The following ICA1 variants were observed in gnomAD, a reference collection of about 807,000 sequenced individuals.
ICA1 encodes the protein islet cell autoantigen 1, also known as 69 kDa islet cell autoantigen.
A neutral mutation model predicts 71.0 loss-of-function variants in ICA1; 40 were observed. The observed-to-expected ratio is 0.56, with a 90% CI of 0.44 to 0.73. ICA1 has a LOEUF of 0.73. ICA1 is among the 30% of genes least tolerant of loss of function. ICA1 has a pLI of 0.00. For synonymous variants in ICA1, 207 were observed against 209.5 expected, an observed-to-expected ratio of 0.99 and a Z score of 0.10; for missense variants, 578 against 576.5, an observed-to-expected ratio of 1.00 and a Z score of -0.03.
chr7:8,232,015 T>C lies in ICA1; in HGVS notation c.183+575A>G, dbSNP rs181691276. On this transcript the variant is annotated intron_variant, in intron 3 of 13. Coordinates refer to ENST00000402384, the MANE Select transcript of ICA1 (RefSeq NM_001136020.3). ...ATTTATAGAAATGATAGGTATGCTT[T>C]CAAAATTTTAATCTAAACTATTGGC... Among the ~76,000 whole-genome samples the C allele has an allele frequency of 7.9e-5, 12 of 152,328 alleles. No individual in the cohort carries two copies. The East Asian group carries it at 2.3e-3, about 29-fold the overall frequency.
chr7:8,195,838 C>T (rs967587825), intron 6 of ICA1, among the ~76,000 whole-genome samples: 2 of 151,902 alleles, frequency 1.3e-5, no homozygotes, highest in African/African-American at 4.8e-5. Flanking sequence ...ATTAGCCAGG[C>T]ATGGTGGTAT....
At chr7:8,152,651 C>CACTACCCCCAGCACT (rs1562700560) in intron 8 of ICA1, among the ~76,000 whole-genome samples, 2 of 148,524 alleles carry the variant, frequency 1.3e-5, no homozygotes, top group African/African-American at 5.0e-5. Flanking sequence ...CCTCCACCAC[C>CACTACCCCCAGCACT]ACCACCACCA....
At chr7:8,244,016 C>T (rs762860571) in intron 1 of ICA1, among the ~76,000 whole-genome samples, 1 of 151,382 alleles carries the variant, frequency 6.6e-6, no homozygotes, top group Non-Finnish European at 1.5e-5. Flanking sequence ...AGATTCAATG[C>T]TATCCCCATA....
rs926362433 is a variant in ICA1, at chr7:8,132,181, T to C, written c.1061-4039A>G. Among the ~76,000 whole-genome samples, 2 of 152,198 alleles carry C rather than the reference T, an allele frequency of 1.3e-5. No homozygotes were observed. Among genetic ancestry groups the C allele is most frequent in the African/African-American group, 2.4e-5 (1 of 41,452 alleles). ...TCACCTGTCTCCAACTCCGTGACCT[T>C]GCAGGCATTGCCTCTCCTTTCTAAG... On this transcript the variant is annotated intron_variant, in intron 12 of 13. Transcript: ENST00000402384. The surrounding 1 kb of genome is among the most constrained non-coding windows in gnomAD (Gnocchi z 4.5).
intron 6 of ICA1, among the ~76,000 whole-genome samples, chr7:8,196,352 G>A (rs2128313812): frequency 6.6e-6 from 1 of 152,320 alleles, no homozygotes; most frequent in East Asian, 1.9e-4. Flanking sequence ...GGCGCTCAGG[G>A]AGATAGAAGG....
intron 8 of ICA1, among the ~76,000 whole-genome samples, chr7:8,152,951 C>G (rs904165418): frequency 2.0e-5 from 3 of 152,102 alleles, no homozygotes; most frequent in Non-Finnish European, 4.4e-5. Context: ...CCTCTTCCAC[C>G]ACTACCATCA....
At chr7:8,141,848 CT>C (rs1326320772) in intron 9 of ICA1, 31 bp from the exon 10 acceptor site, 1 of 1,476,898 alleles carries the variant, frequency 6.8e-7, no homozygotes. Context: ...TAGTCATCAA[CT>C]TCTACCAATG....
At chr7:8,183,995 T>C (rs1297720843) in intron 6 of ICA1, among the ~76,000 whole-genome samples, 1 of 152,238 alleles carries the variant, frequency 6.6e-6, no homozygotes, top group East Asian at 1.9e-4. Flanking sequence ...TTATTGTTCA[T>C]TGCATGGTAT....
chr7:8,229,641 A>G (rs1043783905), intron 3 of ICA1, among the ~76,000 whole-genome samples: 4 of 152,274 alleles, frequency 2.6e-5, no homozygotes, highest in African/African-American at 9.6e-5. Context: ...GCGTGAACAC[A>G]GATGATCTGT....
intron 6 of ICA1, among the ~76,000 whole-genome samples, chr7:8,214,759 G>A (rs76218214): frequency 0.048 from 7,366 of 152,280 alleles, 571 homozygotes; most frequent in African/African-American, 0.16. Context: ...TTTAACTTCA[G>A]GTTTTTCATT....
intron 1 of ICA1, among the ~76,000 whole-genome samples, chr7:8,251,617 G>C (rs927717919): frequency 1.3e-5 from 2 of 151,776 alleles, no homozygotes; most frequent in Non-Finnish European, 2.9e-5. Context: ...TCAGGTTAAA[G>C]GTCAAGTTCA....
intron 1 of ICA1, among the ~76,000 whole-genome samples, chr7:8,245,426 G>T (rs1251748154): frequency 7.6e-6 from 1 of 131,930 alleles, no homozygotes; most frequent in Non-Finnish European, 1.6e-5. Context: ...GGGGGTGGGG[G>T]CAGGGATGGC....
intron 6 of ICA1, among the ~76,000 whole-genome samples, chr7:8,166,779 T>C (rs895750318): frequency 4.6e-5 from 7 of 152,058 alleles, no homozygotes; most frequent in Non-Finnish European, 1.0e-4. Context: ...TATAAGTAAC[T>C]TAAATTTACA....
chr7:8,123,659 A>AT lies in ICA1; in HGVS notation c.1330+4213dup, dbSNP rs1425524490. Among the ~76,000 whole-genome samples the AT allele has an allele frequency of 6.6e-6, 1 of 152,202 alleles. No homozygotes were observed. Among genetic ancestry groups the AT allele is most frequent in the East Asian group, 1.9e-4 (1 of 5,198 alleles). ...GACTTAGCCTCTGTCTCCCACACCC[A>AT]TTCCTCCTTTATGGCTCCCTAAATA... is the stretch of plus-strand genomic sequence containing the variant. On this transcript the variant is annotated intron_variant, in intron 13 of 13. Coordinates refer to ENST00000402384, the MANE Select transcript of ICA1 (RefSeq NM_001136020.3). The surrounding 1 kb of genome is among the most constrained non-coding windows in gnomAD (Gnocchi z 4.1).
At chr7:8,156,576 G>A in intron 8 of ICA1, 1 of 325,684 alleles carries the variant, frequency 3.1e-6, no homozygotes. Flanking sequence ...AAATCATTGA[G>A]TTTAATACTG....
chr7:8,210,082 A>G (rs1002093923), intron 6 of ICA1, among the ~76,000 whole-genome samples: 3 of 152,204 alleles, frequency 2.0e-5, no homozygotes, highest in African/African-American at 7.2e-5. Flanking sequence ...AGCCAGGAGA[A>G]AGACATGATC....
intron 12 of ICA1, among the ~76,000 whole-genome samples, chr7:8,129,173 T>C (rs902894313): frequency 1.3e-5 from 2 of 152,182 alleles, no homozygotes; most frequent in South Asian, 4.1e-4. Flanking sequence ...CTGATGGTGT[T>C]ATCAACTGTG....
intron 6 of ICA1, among the ~76,000 whole-genome samples, chr7:8,167,819 C>T (rs945122961): frequency 2.0e-5 from 3 of 152,082 alleles, no homozygotes; most frequent in African/African-American, 7.2e-5. Flanking sequence ...TGAACGGCAC[C>T]TGATCAAAGC....
chr7:8,165,351 G>A (rs1451230885), intron 6 of ICA1, among the ~76,000 whole-genome samples: 1 of 152,208 alleles, frequency 6.6e-6, no homozygotes, highest in Non-Finnish European at 1.5e-5. Flanking sequence ...CACCACACAT[G>A]TGTGTGGGCA....
Sources: allele counts gnomAD v4.1 joint callset (sites outside exome capture counted in the v4.1 genomes callset), GRCh38; gene constraint gnomAD v4.1.1; non-coding constraint Gnocchi (gnomAD v3.1); transcripts MANE v1.5; gene names NCBI Gene and HGNC (gene_info 2026-07-23, HGNC 2026-07-21).